NKAIN2: variants seen among roughly 807,000 people sequenced by gnomAD.
NKAIN2 encodes sodium/potassium transporting ATPase interacting 2, also known as sodium/potassium-transporting ATPase subunit beta-1-interacting protein 2.
In NKAIN2, 14 loss-of-function variants were observed where a neutral mutation model predicts 32.6. That is an observed-to-expected ratio of 0.43 (90% CI 0.28 to 0.67). NKAIN2 has a LOEUF of 0.67. NKAIN2 is among the 30% of genes least tolerant of loss of function. NKAIN2 has a pLI of 0.17. For synonymous variants in NKAIN2, 80 were observed against 87.2 expected (o/e 0.92, Z 0.46); for missense variants, 198 against 258.3 (o/e 0.77, Z 1.60).
chr6:124,201,872 A>G lies in NKAIN2; in HGVS notation c.55-81133A>G, dbSNP rs1790610099. 2.0e-5 allele frequency among the ~76,000 whole-genome samples: 3 copies of G among 152,062 alleles called. No individual in the cohort carries two copies. The East Asian group carries it at 5.8e-4, about 29-fold the overall frequency. On this transcript the variant is annotated intron_variant, in intron 1 of 6. Transcript: ENST00000368417. ...TATCCTTCATCAAAGTGAGAGAATA[A>G]CTTCAAATAGGATAAGATTTATTTT... is the stretch of plus-strand genomic sequence containing the variant.
At chr6:124,112,660 TTTTCTC>T (rs1785437191) in intron 1 of NKAIN2, among the ~76,000 whole-genome samples, 1 of 152,180 alleles carries the variant, frequency 6.6e-6, no homozygotes, top group South Asian at 2.1e-4. Context: ...TTCTGGTTGT[TTTTCTC>T]TATTATCATT....
At chr6:124,237,156 G>A (rs989464119) in intron 1 of NKAIN2, among the ~76,000 whole-genome samples, 1 of 152,118 alleles carries the variant, frequency 6.6e-6, no homozygotes, top group Non-Finnish European at 1.5e-5. Flanking sequence ...AAATAGGAAA[G>A]AATAGTCTGT....
chr6:124,175,432 A>G (rs1159365224), intron 1 of NKAIN2, among the ~76,000 whole-genome samples: 1 of 152,230 alleles, frequency 6.6e-6, no homozygotes, highest in Non-Finnish European at 1.5e-5. Flanking sequence ...GCGTAAATTT[A>G]AATAGTCAAA....
intron 3 of NKAIN2, among the ~76,000 whole-genome samples, chr6:124,600,406 G>A (rs895755319): frequency 6.6e-6 from 1 of 152,032 alleles, no homozygotes. Flanking sequence ...CAAATAAAAT[G>A]TATTTTTGAA....
At chr6:124,181,209 ATGGC>A (rs1789430789) in intron 1 of NKAIN2, among the ~76,000 whole-genome samples, 1 of 152,032 alleles carries the variant, frequency 6.6e-6, no homozygotes, top group Non-Finnish European at 1.5e-5. Flanking sequence ...CTTTTTAGCA[ATGGC>A]TGGGATGCAG....
intron 3 of NKAIN2, among the ~76,000 whole-genome samples, chr6:124,564,495 C>T (rs1780826999): frequency 6.6e-6 from 1 of 151,640 alleles, no homozygotes; most frequent in Non-Finnish European, 1.5e-5. Flanking sequence ...ACCCCCCCCT[C>T]CCCCACCAGC....
intron 1 of NKAIN2, among the ~76,000 whole-genome samples, chr6:124,067,429 C>G (rs1419025330): frequency 1.3e-5 from 2 of 152,052 alleles, no homozygotes; most frequent in African/African-American, 4.8e-5. Context: ...TATGAGAAAC[C>G]CTGATTCTCA....
chr6:124,335,688 T>C (rs1258911688), intron 2 of NKAIN2, among the ~76,000 whole-genome samples: 1 of 152,178 alleles, frequency 6.6e-6, no homozygotes, highest in Non-Finnish European at 1.5e-5. Context: ...CTTTCTATTT[T>C]TGGGTCTTTA....
chr6:124,486,603 C>A (rs909443220), intron 3 of NKAIN2, among the ~76,000 whole-genome samples: 2 of 152,104 alleles, frequency 1.3e-5, no homozygotes, highest in African/African-American at 4.8e-5. Context: ...TTAATATTGT[C>A]TAATAGTCTA....
In NKAIN2 at chr6:124,679,199, C is replaced by G. The variant is rs981491340; in HGVS notation, c.474+20813C>G. The stretch of plus-strand genomic sequence containing the variant: ...AACACATTTCAACTCTTTCCCTCCC[C>G]TGGAAGAAGCCATGTCTTGGGGTTT... On this transcript the variant is annotated intron_variant, in intron 4 of 6. Coordinates refer to ENST00000368417, the MANE Select transcript of NKAIN2 (RefSeq NM_001040214.3). 3.9e-5 allele frequency among the ~76,000 whole-genome samples: 6 copies of G among 152,142 alleles called. No homozygotes were observed. In the South Asian group the frequency reaches 1.2e-3, roughly 32 times the overall value.
chr6:124,547,063 A>T, intron 3 of NKAIN2, among the ~76,000 whole-genome samples: 1 of 152,220 alleles, frequency 6.6e-6, no homozygotes, highest in East Asian at 1.9e-4. Context: ...TAGAACTACT[A>T]TAAATGAACA....
chr6:124,181,216 G>T (rs1789431339), intron 1 of NKAIN2, among the ~76,000 whole-genome samples: 1 of 152,130 alleles, frequency 6.6e-6, no homozygotes, highest in Non-Finnish European at 1.5e-5. Context: ...GCAATGGCTG[G>T]GATGCAGGGC....
At chr6:124,214,832 G>A (rs769400588) in intron 1 of NKAIN2, among the ~76,000 whole-genome samples, 5 of 152,194 alleles carry the variant, frequency 3.3e-5, no homozygotes, top group Non-Finnish European at 2.9e-5. Context: ...TTCCCCATCT[G>A]AGCAATCAGA....
At chr6:124,788,326 T>C (rs1779594439) in intron 4 of NKAIN2, among the ~76,000 whole-genome samples, 1 of 152,030 alleles carries the variant, frequency 6.6e-6, no homozygotes, top group South Asian at 2.1e-4. Flanking sequence ...CAACCCAAAA[T>C]GTCAGTGGTG....
At chr6:124,473,823 C>A (rs921745189) in intron 3 of NKAIN2, among the ~76,000 whole-genome samples, 1 of 152,132 alleles carries the variant, frequency 6.6e-6, no homozygotes, top group African/African-American at 2.4e-5. Flanking sequence ...GGTTTCACAT[C>A]AGTTCAGTTA....
At chr6:124,227,487 T>G (rs1792181494) in intron 1 of NKAIN2, among the ~76,000 whole-genome samples, 1 of 152,204 alleles carries the variant, frequency 6.6e-6, no homozygotes, top group African/African-American at 2.4e-5. Context: ...TGTTTTTTAT[T>G]GTAGAACATG....
At chr6:124,734,288 C>G (rs894771085) in intron 4 of NKAIN2, among the ~76,000 whole-genome samples, 1 of 151,764 alleles carries the variant, frequency 6.6e-6, no homozygotes, top group Admixed American at 6.6e-5. Flanking sequence ...TTGCTGTTAT[C>G]TCTGCTGGGC....
At chr6:124,751,812 CAATAAATA>C (rs10665653) in intron 4 of NKAIN2, among the ~76,000 whole-genome samples, 495 of 134,120 alleles carry the variant, frequency 3.7e-3, no homozygotes, top group African/African-American at 0.012. Flanking sequence ...GACCCCATCT[CAATAAATA>C]AATAAATAAA....
chr6:124,342,581 C>G (rs1258039507), intron 2 of NKAIN2, among the ~76,000 whole-genome samples: 1 of 151,788 alleles, frequency 6.6e-6, no homozygotes, highest in African/African-American at 2.4e-5. Flanking sequence ...GATCTTGGCT[C>G]ACTGCAACCT....
Sources: gnomAD v4.1 joint callset for allele counts (sites outside exome capture counted in the v4.1 genomes callset) on GRCh38, gnomAD v4.1.1 for gene constraint, MANE v1.5 for transcripts, NCBI Gene and HGNC (gene_info 2026-07-23, HGNC 2026-07-21) for gene names.